The following ME3 variants were observed in gnomAD, a reference collection of about 807,000 sequenced individuals.
ME3 encodes the protein NADP-dependent malic enzyme, mitochondrial.
A neutral mutation model predicts 68.9 loss-of-function variants in ME3; 48 were observed. The observed-to-expected ratio is 0.70, with a 90% CI of 0.55 to 0.89. The LOEUF is 0.89. ME3 is among the 40% of genes least tolerant of loss of function. The probability of loss-of-function intolerance (pLI) is 0.00; values close to 1 mark genes in which losing one functional copy is unlikely to be tolerated. For missense variants in ME3, 675 were observed against 797.4 expected, an observed-to-expected ratio of 0.85 and a Z score of 1.85; for synonymous variants, 320 against 318.8, an observed-to-expected ratio of 1.00 and a Z score of -0.04.
chr11:86,672,199 C>G (rs1946998567), intron 1 of ME3, 125 bp downstream of exon 1: 1 of 415,602 alleles, frequency 2.4e-6, no homozygotes, highest in Non-Finnish European at 4.2e-6. Context: ...AGATCCGGTG[C>G]GGGTGACAGC....
chr11:86,631,535 T>TA lies in ME3; in HGVS notation c.183+40226dup, dbSNP rs200183186. On this transcript the variant is annotated intron_variant, in intron 2 of 14. Transcript: ENST00000543262. ...CATATCAGAATCTCCTTGGTGAACT[T>TA]AAAAAAAAAATTCCTTAGCTCCTTC... Among the ~76,000 whole-genome samples, 483 of 150,312 alleles carry TA rather than the reference T, an allele frequency of 3.2e-3. 1 individual carries two copies. The highest frequency in any genetic ancestry group is 4.0e-3 in the African/African-American group (164 of 40,996).
intron 2 of ME3, among the ~76,000 whole-genome samples, chr11:86,647,958 C>A (rs1172585503): frequency 6.6e-6 from 1 of 152,204 alleles, no homozygotes; most frequent in Non-Finnish European, 1.5e-5. Flanking sequence ...AATATACATT[C>A]TTCTCAGAAC....
At chr11:86,607,459 T>G (rs1401652461) in intron 2 of ME3, among the ~76,000 whole-genome samples, 1 of 150,348 alleles carries the variant, frequency 6.7e-6, no homozygotes, top group Non-Finnish European at 1.5e-5. Context: ...ATAGTTTTTT[T>G]TTTTTTTTTT....
intron 3 of ME3, among the ~76,000 whole-genome samples, chr11:86,558,770 A>C (rs1340518659): frequency 3.3e-5 from 5 of 152,222 alleles, no homozygotes. Flanking sequence ...ACTATGTGCC[A>C]GGCACTGTTC....
chr11:86,450,303 C>T lies in ME3; in HGVS notation c.1015G>A (p.Glu339Lys), dbSNP rs144643070. 4.3e-6 allele frequency: 7 copies of T among 1,613,902 alleles called. No individual in the cohort carries two copies. The highest frequency in any genetic ancestry group is 2.2e-5 in the South Asian group (2 of 91,058). The change falls in exon 9 of 15, where the codon GAG becomes AAG. Residue 339 changes from glutamate (E) to lysine (K), a missense_variant and splice_region_variant. Glu to Lys is a moderately conservative substitution (Grantham distance 56). Coordinates refer to ENST00000543262, the Ensembl canonical transcript of ME3. ...AAGAAACCCTCAATGCCACATACCT[C>T]GCCTGCACCTTGGAAAACAAACACG...
At chr11:86,487,392 G>T (rs1951756258) in exon 7 of ME3, 1 of 1,614,100 alleles carries the variant, frequency 6.2e-7, no homozygotes, top group African/African-American at 1.3e-5. Context: ...GCCTTCCCGT[G>T]CACGCGCTGG....
chr11:86,647,020 C>T (rs1476340565), intron 2 of ME3, among the ~76,000 whole-genome samples: 1 of 152,146 alleles, frequency 6.6e-6, no homozygotes, highest in Non-Finnish European at 1.5e-5. Context: ...TTGTCACTAC[C>T]AGGCCTGCCT....
intron 7 of ME3, among the ~76,000 whole-genome samples, chr11:86,486,036 C>G (rs1951669606): frequency 6.6e-6 from 1 of 152,178 alleles, no homozygotes; most frequent in Non-Finnish European, 1.5e-5. Context: ...TCACTCTATG[C>G]TGATGTCCTT....
At chr11:86,622,989 C>T (rs774679955) in intron 2 of ME3, 4 of 152,156 alleles carry the variant, frequency 2.6e-5, no homozygotes, top group South Asian at 2.1e-4. Flanking sequence ...TCAGTTAACA[C>T]GCCTGTAAAA....
chr11:86,637,985 C>CACACACAG (rs1388242668), intron 2 of ME3, among the ~76,000 whole-genome samples: 1 of 151,646 alleles, frequency 6.6e-6, no homozygotes, highest in Non-Finnish European at 1.5e-5. Flanking sequence ...CACACACACA[C>CACACACAG]ACACACACAC....
rs904912862 is a variant in ME3 at position 86,589,369 on chromosome 11, AAG to A, written c.184-29548_184-29547del. On this transcript the variant is annotated intron_variant, in intron 2 of 14. Coordinates refer to ENST00000543262, the Ensembl canonical transcript of ME3. ...GTTGGGGGAGGGAGAGGGAGAAAGA[AAG>A]AGAGAGAATATATGAATGAATGAAT... 2.6e-5 allele frequency among the ~76,000 whole-genome samples: 4 copies of A among 152,088 alleles called. No homozygotes were observed. The South Asian group carries it at 6.2e-4, about 24-fold the overall frequency.
chr11:86,517,389 A>G (rs868025287), intron 4 of ME3, among the ~76,000 whole-genome samples: 16 of 152,326 alleles, frequency 1.1e-4, no homozygotes, highest in Middle Eastern at 3.4e-3. Context: ...TCAGAGACAC[A>G]TGGTGCAGAG....
chr11:86,582,566 T>TC (rs1412492894), intron 2 of ME3, among the ~76,000 whole-genome samples: 2 of 152,190 alleles, frequency 1.3e-5, no homozygotes, highest in Non-Finnish European at 2.9e-5. Flanking sequence ...TTGGAGCATT[T>TC]CCTAAGGAGA....
intron 4 of ME3, among the ~76,000 whole-genome samples, chr11:86,526,021 G>A (rs1384518548): frequency 6.6e-6 from 1 of 152,248 alleles, no homozygotes; most frequent in Non-Finnish European, 1.5e-5. Context: ...GAAAGTGGAT[G>A]CAGGACAGTG....
At chr11:86,636,271 T>TG (rs1403427052) in intron 2 of ME3, among the ~76,000 whole-genome samples, 1 of 151,992 alleles carries the variant, frequency 6.6e-6, no homozygotes, top group African/African-American at 2.4e-5. Context: ...TTCTTTTTTT[T>TG]TTTGTTTGTT....
intron 2 of ME3, among the ~76,000 whole-genome samples, chr11:86,616,674 T>C (rs1358967924): frequency 1.3e-5 from 2 of 152,118 alleles, no homozygotes; most frequent in Admixed American, 6.6e-5. Flanking sequence ...ATAAACCTAG[T>C]TGGGGGACAT....
intron 6 of ME3, among the ~76,000 whole-genome samples, chr11:86,491,928 A>G (rs1012048841): frequency 6.6e-6 from 1 of 152,186 alleles, no homozygotes; most frequent in African/African-American, 2.4e-5. Flanking sequence ...TTTATTTGCT[A>G]AATCTGGTAA....
At chr11:86,559,746 G>A (rs140957290) in exon 3 of ME3, 24 of 1,613,892 alleles carry the variant, frequency 1.5e-5, no homozygotes, top group African/African-American at 9.3e-5. Context: ...GGAGCTGGAC[G>A]TCCTGGCTCA....
At chr11:86,621,769 C>T (rs575247655) in intron 2 of ME3, among the ~76,000 whole-genome samples, 15 of 151,628 alleles carry the variant, frequency 9.9e-5, no homozygotes, top group Admixed American at 2.6e-4. Flanking sequence ...TAATTACAAT[C>T]GAGGTTGGAA....
Sources: allele counts gnomAD v4.1 joint callset (sites outside exome capture counted in the v4.1 genomes callset), GRCh38; gene constraint gnomAD v4.1.1; transcripts MANE v1.5; gene names NCBI Gene and HGNC (gene_info 2026-07-23, HGNC 2026-07-21).